Variants in TTBK2 observed in about 807,000 individuals in gnomAD.
TTBK2 encodes the protein tau tubulin kinase 2.
A neutral mutation model predicts 110.8 loss-of-function variants in TTBK2; 28 were observed. The observed-to-expected ratio is 0.25, with a 90% confidence interval of 0.19 to 0.35. TTBK2 has a LOEUF of 0.35. Ranked by LOEUF, TTBK2 falls within the 10% of genes least tolerant of loss-of-function variation. The pLI, the probability that TTBK2 is intolerant of heterozygous loss-of-function variation, is 1.00. For synonymous variants in TTBK2, 532 were observed against 527.3 expected (o/e 1.01, Z -0.12); for missense variants, 1,369 against 1,500.3 (o/e 0.91, Z 1.45).
At chr15:42,781,440 C>A (rs529758084) in intron 11 of TTBK2, among the ~76,000 whole-genome samples, 2 of 152,172 alleles carry the variant, frequency 1.3e-5, no homozygotes, top group South Asian at 4.1e-4. Context: ...TCTGCTGCTT[C>A]TTTTTCTACT....
chr15:42,801,159 T>G (rs1891177631), intron 9 of TTBK2: 1 of 1,219,354 alleles, frequency 8.2e-7, no homozygotes, highest in Non-Finnish European at 1.2e-6. Context: ...ACCACCTGCA[T>G]AGCTGCTGGT....
At chr15:42,800,006 G>A (rs2140888854) in intron 9 of TTBK2, among the ~76,000 whole-genome samples, 1 of 152,160 alleles carries the variant, frequency 6.6e-6, no homozygotes, top group Admixed American at 6.5e-5. Flanking sequence ...GCTGAGGTGG[G>A]AGGATTACTT....
In TTBK2 at chr15:42,811,769, T is replaced by C. The variant is rs1270493035; in HGVS notation, c.615A>G (p.Arg205=). 1 of 1,613,474 alleles carries C rather than the reference T, an allele frequency of 6.2e-7. No individual in the cohort carries two copies. The highest frequency in any genetic ancestry group is 8.5e-7 in the Non-Finnish European group (1 of 1,179,720). The change falls in exon 8 of 15, where the codon AGA becomes AGG. Residue 205 remains arginine (R), a synonymous_variant. Transcript: ENST00000267890. The part of the protein sequence containing the change: ...INAHRNREMG[R]HDDLWSLFYM... ...AGAATAAGGACCAAAGGTCATCATG[T>C]CTTCCCATTTCCTTCATAAACAAAA...
chr15:42,786,443 T>C (rs1890417288), intron 10 of TTBK2, among the ~76,000 whole-genome samples: 1 of 152,234 alleles, frequency 6.6e-6, no homozygotes, highest in Non-Finnish European at 1.5e-5. Flanking sequence ...AATAGATGAA[T>C]ATTTGAACTC....
intron 7 of TTBK2, among the ~76,000 whole-genome samples, chr15:42,816,085 AATATAT>A (rs71431870): frequency 0.011 from 736 of 67,430 alleles, 11 homozygotes; most frequent in African/African-American, 0.029. Context: ...TAAATAAATA[AATATAT>A]ATATATATAT....
At chr15:42,909,784 G>T (rs532929934) in intron 1 of TTBK2, among the ~76,000 whole-genome samples, 2 of 152,248 alleles carry the variant, frequency 1.3e-5, no homozygotes, top group Admixed American at 1.3e-4. Context: ...GTTAAATGGA[G>T]ATGCAAACAT....
chr15:42,779,352 T>C (rs556818765), intron 11 of TTBK2, among the ~76,000 whole-genome samples: 1 of 147,680 alleles, frequency 6.8e-6, no homozygotes, highest in South Asian at 2.1e-4. Flanking sequence ...GAGGCTGAAG[T>C]GAGCTGAGAT....
chr15:42,787,196 T>G (rs1890449464), intron 10 of TTBK2, among the ~76,000 whole-genome samples: 2 of 152,122 alleles, frequency 1.3e-5, no homozygotes, highest in Admixed American at 1.3e-4. Flanking sequence ...CATGGCAGCT[T>G]TTGCACTATA....
chr15:42,764,531 T>C (rs1354713532), intron 13 of TTBK2, among the ~76,000 whole-genome samples: 1 of 152,206 alleles, frequency 6.6e-6, no homozygotes, highest in Non-Finnish European at 1.5e-5. Context: ...GATCAACTTG[T>C]GAGGCAGCAG....
Position 42,810,669 on chromosome 15 carries a change from C to T in TTBK2, c.767G>A (p.Ser256Asn). 2.5e-6 allele frequency: 4 copies of T among 1,613,904 alleles called. No individual in the cohort carries two copies. The highest frequency in any genetic ancestry group is 3.4e-6 in the Non-Finnish European group (4 of 1,179,946). Residue 256 changes from serine (S) to asparagine (N), a missense_variant, in exon 9 of 15, where the codon AGC (serine) becomes AAC (asparagine). Physicochemically the swap from Ser to Asn is conservative, Grantham distance 46. This residue lies in a region of TTBK2 where 138 missense variants were observed against 179.0 expected (regional missense o/e 0.77). Transcript: ENST00000267890. Reference sequence around the variant, plus strand: ...AGAAGAGATATGGTCTAGAAAGATGCTGAATTCTGGAGGGAGATGTTTCAA... The same window carrying T: ...AGAAGAGATATGGTCTAGAAAGATGTTGAATTCTGGAGGGAGATGTTTCAA... ...LMLKHLPPEF[S>N]IFLDHISSLD...
chr15:42,809,565 A>T (rs1048409649), intron 9 of TTBK2, among the ~76,000 whole-genome samples: 6 of 152,230 alleles, frequency 3.9e-5, no homozygotes, highest in Non-Finnish European at 7.3e-5. Flanking sequence ...CATTGCTTTA[A>T]GTAATGTGAA....
At chr15:42,840,040 C>A (rs1893156513) in intron 4 of TTBK2, among the ~76,000 whole-genome samples, 1 of 152,098 alleles carries the variant, frequency 6.6e-6, no homozygotes, top group African/African-American at 2.4e-5. Flanking sequence ...CTTTAGAATA[C>A]AAATGGAAAA....
At chr15:42,838,360 G>C (rs1431059671) in intron 4 of TTBK2, among the ~76,000 whole-genome samples, 1 of 147,940 alleles carries the variant, frequency 6.8e-6, no homozygotes, top group Non-Finnish European at 1.5e-5. Flanking sequence ...CAGGGTGTGT[G>C]TGTGTGTGTG....
In TTBK2 at chr15:42,752,947, C is replaced by T. The variant is rs752400040; in HGVS notation, c.2299G>A (p.Val767Met). The change falls in exon 14 of 15, where the codon GTG (valine) becomes ATG (methionine). Residue 767 changes from valine to methionine, a missense_variant. This residue lies in a region of TTBK2 where 1,097 missense variants were observed against 1,114.7 expected (regional missense o/e 0.98). Transcript: ENST00000267890. ...CCAGGGAGATTTTCAAATTCTCTCA[C>T]AACCAGTCTATTATGATCAGGAAGT... ...KELPDHNRLVVREFENLPGET... is the reference protein window; with the variant it reads ...KELPDHNRLVMREFENLPGET... 4.8e-5 allele frequency: 77 copies of T among 1,614,116 alleles called. No individual in the cohort carries two copies. Among genetic ancestry groups the T allele is most frequent in the Non-Finnish European group, 2.9e-5 (34 of 1,180,046 alleles).
intron 4 of TTBK2, among the ~76,000 whole-genome samples, chr15:42,839,823 C>A (rs1893147700): frequency 5.9e-5 from 9 of 152,084 alleles, no homozygotes; most frequent in Admixed American, 5.9e-4. Flanking sequence ...AGCTGGGACC[C>A]CTTCTTCACC....
chr15:42,763,175 T>TATATATATAC lies in TTBK2; in HGVS notation c.1999-9929_1999-9928insGTATATATAT, dbSNP rs1889152383. ...ATATATACATATATATATATATATA[T>TATATATATAC]ATATATATATATATATATTTTTTTT... On this transcript the variant is annotated intron_variant, in intron 13 of 14. Coordinates refer to ENST00000267890, the MANE Select transcript of TTBK2 (RefSeq NM_173500.4). Among the ~76,000 whole-genome samples, 4 of 19,088 alleles carry TATATATATAC rather than the reference T, an allele frequency of 2.1e-4. No individual in the cohort carries two copies. The East Asian group carries it at 4.3e-3, about 21-fold the overall frequency. 12.5% of individuals were successfully genotyped at this position (19,088 alleles called of 152,430 possible).
At position 42,802,416 on chromosome 15, in the gene TTBK2, A is replaced by C. The variant is rs544016973; in HGVS notation, c.823-7615T>G. ...TCACCCTGATGGACATGGTGGAGGC[A>C]GGCGGGCCGAACCAGACGGAATCCC... is the stretch of plus-strand genomic sequence containing the variant. On this transcript the variant is annotated intron_variant, in intron 9 of 14. Coordinates refer to ENST00000267890, the MANE Select transcript of TTBK2 (RefSeq NM_173500.4). The C allele has an allele frequency of 5.3e-5, 39 of 735,752 alleles. 1 individual carries two copies. The highest frequency in any genetic ancestry group is 5.3e-4 in the South Asian group (39 of 73,646). The allele number at this position is 735,752 out of a possible 1,614,324, so 45.6% of individuals were successfully genotyped here. A position where few individuals can be genotyped will look rare whatever the true frequency, so the allele number is the denominator to read the frequency against.
Position 42,752,109 on chromosome 15 carries a change from G to A in TTBK2, c.3137C>T (p.Ser1046Phe), listed in dbSNP as rs376827686. The A allele has an allele frequency of 1.9e-6, 3 of 1,614,062 alleles. No individual in the cohort carries two copies. In the African/African-American group the frequency reaches 4.0e-5, roughly 22 times the overall value. ...TGGAATTTTGCTCTTTCTAGACTGGGAGATGATGGGTGACAGAAAGCTATC... is the reference window on the plus strand; with the variant it reads ...TGGAATTTTGCTCTTTCTAGACTGGAAGATGATGGGTGACAGAAAGCTATC... ...AEDSFLSPII[S>F]QSRKSKIPRP... The change falls in exon 14 of 15, where the codon TCC becomes TTC. Residue 1046 changes from serine (S) to phenylalanine (F), a missense_variant. Physicochemically the swap from Ser to Phe is radical, Grantham distance 155. Transcript: ENST00000267890.
intron 3 of TTBK2, among the ~76,000 whole-genome samples, chr15:42,867,914 T>A (rs549704679): frequency 6.6e-6 from 1 of 152,316 alleles, no homozygotes; most frequent in African/African-American, 2.4e-5. Context: ...GGTGAATGGA[T>A]AAATGAACTG....
Sources: allele counts gnomAD v4.1 joint callset (sites outside exome capture counted in the v4.1 genomes callset), GRCh38; gene constraint gnomAD v4.1.1; regional missense constraint gnomAD v4.1.1; transcripts MANE v1.5; gene names NCBI Gene and HGNC (gene_info 2026-07-23, HGNC 2026-07-21).